The following SLC6A9 variants were observed in gnomAD, a reference collection of about 807,000 sequenced individuals.
SLC6A9 encodes the protein sodium- and chloride-dependent glycine transporter 1.
SLC6A9 carries 31 observed loss-of-function variants against 70.9 expected under a neutral mutation model. The observed-to-expected ratio is 0.44, with a 90% CI of 0.33 to 0.59. The LOEUF (loss-of-function observed/expected upper bound fraction) is 0.59. Among genes scored for constraint, SLC6A9 ranks in the 20% least tolerant of loss-of-function variants. The pLI is 0.04. For missense variants in SLC6A9, 631 were observed against 845.2 expected, an observed-to-expected ratio of 0.75 and a Z score of 3.14; for synonymous variants, 310 against 341.3, an observed-to-expected ratio of 0.91 and a Z score of 1.01.
intron 2 of SLC6A9, chr1:44,011,709 G>A (rs2086577667): frequency 6.2e-7 from 1 of 1,613,860 alleles, no homozygotes. Context: ...TCTCTGAACA[G>A]GGAGAAGCGT....
chr1:44,025,279 G>T (rs1444170378), intron 1 of SLC6A9, among the ~76,000 whole-genome samples: 2 of 116,118 alleles, frequency 1.7e-5, no homozygotes, highest in African/African-American at 6.9e-5. Flanking sequence ...CTTGTGGGAA[G>T]CATGAGTGGC....
chr1:44,019,074 T>G (rs2086832298), intron 2 of SLC6A9, among the ~76,000 whole-genome samples: 1 of 152,242 alleles, frequency 6.6e-6, no homozygotes. Context: ...GGATCTCAGT[T>G]TCTCCATCTC....
chr1:44,001,813 G>A (rs1317832045), intron 8 of SLC6A9, among the ~76,000 whole-genome samples, 186 bp from the exon 9 acceptor site: 7 of 152,064 alleles, frequency 4.6e-5, no homozygotes, highest in African/African-American at 1.7e-4. Context: ...CTGTAGCCTT[G>A]ACCTCTTGGT....
Position 44,002,697 on chromosome 1 carries a change from C to A in SLC6A9, c.724-51G>T. The A allele has an allele frequency of 6.2e-7, 1 of 1,609,200 alleles. No individual in the cohort carries two copies. Among genetic ancestry groups the A allele is most frequent in the Non-Finnish European group, 8.5e-7 (1 of 1,176,200 alleles). Reference sequence around the variant, plus strand: ...CTTCTGGGCTCTCCCCTCCCCTGGGCACCACCACCCTGGCTCCCTAATCAC... The same window carrying A: ...CTTCTGGGCTCTCCCCTCCCCTGGGAACCACCACCCTGGCTCCCTAATCAC... On this transcript the variant is annotated intron_variant, in intron 6 of 13. Transcript: ENST00000372310. The surrounding 1 kb of genome is among the most constrained non-coding windows in gnomAD (Gnocchi z 5.5).
chr1:44,024,119 G>T, intron 2 of SLC6A9, 129 bp downstream of exon 2: 2 of 909,550 alleles, frequency 2.2e-6, no homozygotes, highest in Non-Finnish European at 3.7e-6. Flanking sequence ...TGCCCAGGCC[G>T]GGGTCAGCTG....
In SLC6A9 at chr1:43,997,118, C is replaced by T; in HGVS notation, c.*427G>A. On this transcript the variant is annotated 3_prime_UTR_variant, in exon 14 of 14. Transcript: ENST00000372310. This position sits in a 1 kb window ranked among gnomAD's most constrained non-coding sequence, Gnocchi z 4.4. ...GCAGTCCCCCAGCCCTTCATCCTGC[C>T]CCTAGGGAGGAATAGCCAAATGTGC... is the stretch of plus-strand genomic sequence containing the variant. The T allele has an allele frequency of 4.9e-6, 1 of 204,692 alleles. No individual in the cohort carries two copies. 12.7% of individuals were successfully genotyped at this position (204,692 alleles called of 1,614,324 possible).
chr1:44,012,270 C>T (rs2086597164), intron 2 of SLC6A9, among the ~76,000 whole-genome samples: 1 of 152,244 alleles, frequency 6.6e-6, no homozygotes, highest in Non-Finnish European at 1.5e-5. Context: ...GAATGGCCTC[C>T]CTGGGCCCCA....
intron 2 of SLC6A9, among the ~76,000 whole-genome samples, chr1:44,021,370 A>C (rs2086880718): frequency 6.6e-6 from 1 of 152,146 alleles, no homozygotes; most frequent in Non-Finnish European, 1.5e-5. Context: ...GGCTGGAGTG[A>C]GGGAGGGACA....
In SLC6A9 at chr1:44,003,273, G is replaced by C. The variant is rs1290411774; in HGVS notation, c.591-288C>G. ...GGCTTGGGTGGTCTTCCTAGTTCCTGGGCGAGGAGATCTCCTTGTCCCCAG... is the reference window on the plus strand; with the variant it reads ...GGCTTGGGTGGTCTTCCTAGTTCCTCGGCGAGGAGATCTCCTTGTCCCCAG... On this transcript the variant is annotated intron_variant, in intron 5 of 13. Coordinates refer to ENST00000372310, the MANE Select transcript of SLC6A9 (RefSeq NM_001024845.3). 2.6e-5 allele frequency among the ~76,000 whole-genome samples: 4 copies of C among 152,252 alleles called. No individual in the cohort carries two copies. In the South Asian group the frequency reaches 8.3e-4, roughly 31 times the overall value.
In SLC6A9 at chr1:44,024,695, T is replaced by C. The variant is rs146835217; in HGVS notation, c.-85-333A>G. ...ATGGTCTGTGTGAATGGCTTCAGCCTTTCCCCAGGAGGGGAATCAGCTCAG... is the reference window on the plus strand; with the variant it reads ...ATGGTCTGTGTGAATGGCTTCAGCCCTTCCCCAGGAGGGGAATCAGCTCAG... On this transcript the variant is annotated intron_variant, in intron 1 of 13. Coordinates refer to ENST00000372310, the MANE Select transcript of SLC6A9 (RefSeq NM_001024845.3). Among the ~76,000 whole-genome samples the C allele has an allele frequency of 2.8e-3, 433 of 152,356 alleles. 1 individual carries two copies. The highest frequency in any genetic ancestry group is 0.01 in the African/African-American group (426 of 41,582).
chr1:44,006,164 C>G (rs1341014607), intron 5 of SLC6A9, among the ~76,000 whole-genome samples: 1 of 152,166 alleles, frequency 6.6e-6, no homozygotes, highest in Non-Finnish European at 1.5e-5. Context: ...CACATCATGC[C>G]TCAAATGTAA....
chr1:43,997,854 C>G lies in SLC6A9; in HGVS notation c.1707+1G>C. 1 of 1,606,574 alleles carries G rather than the reference C, an allele frequency of 6.2e-7. No homozygotes were observed. Among genetic ancestry groups the G allele is most frequent in the Non-Finnish European group, 8.5e-7 (1 of 1,175,094 alleles). ...GCTACCCAGCCTGTCCCTGCCCTCA[C>G]CTGGAGGAGGGTGTCCCCGTCTGTG... On this transcript the variant is annotated splice_donor_variant, in intron 13 of 13. Coordinates refer to ENST00000372310, the MANE Select transcript of SLC6A9 (RefSeq NM_001024845.3). LOFTEE classifies it high-confidence loss of function. The surrounding 1 kb of genome is among the most constrained non-coding windows in gnomAD (Gnocchi z 4.4).
intron 2 of SLC6A9, 55 bp downstream of exon 2, chr1:44,024,193 T>C: frequency 6.3e-7 from 1 of 1,579,062 alleles, no homozygotes; most frequent in Non-Finnish European, 8.7e-7. Flanking sequence ...CAGGAGGTCC[T>C]GGGGGCAGGG....
rs2086941170 is a variant in SLC6A9 at position 44,024,252 on chromosome 1, ATC to A, written c.24_25del (p.Met9AlafsTer140). 1 of 1,614,114 alleles carries A rather than the reference ATC, an allele frequency of 6.2e-7. No homozygotes were observed. The highest frequency in any genetic ancestry group is 1.3e-5 in the African/African-American group (1 of 74,948). ...CAGTCTGGCCTCTGTACTCACCAGC[ATC>A]CCTTTGGCACCTTTTCCTACCATGG... On this transcript the variant is annotated frameshift_variant, in exon 2 of 14. Coordinates refer to ENST00000372310, the MANE Select transcript of SLC6A9 (RefSeq NM_001024845.3). LOFTEE classifies it high-confidence loss of function.
chr1:44,007,826 G>A (rs866730638), intron 5 of SLC6A9, among the ~76,000 whole-genome samples: 7 of 151,872 alleles, frequency 4.6e-5, no homozygotes, highest in Middle Eastern at 3.5e-3. Flanking sequence ...GATTTCTGAC[G>A]GCCTTCCTCA....
intron 2 of SLC6A9, among the ~76,000 whole-genome samples, chr1:44,022,467 C>T (rs189284649): frequency 2.6e-5 from 4 of 152,154 alleles, no homozygotes; most frequent in African/African-American, 9.7e-5. Context: ...ATAAGATCTC[C>T]ATCTGGGCCC....
intron 1 of SLC6A9, among the ~76,000 whole-genome samples, chr1:44,025,927 C>A (rs1451609477): frequency 6.6e-6 from 1 of 152,278 alleles, no homozygotes; most frequent in Non-Finnish European, 1.5e-5. Context: ...GGCAACTCTG[C>A]CCCACCCACA....
At chr1:44,005,839 C>G (rs143307635) in intron 5 of SLC6A9, among the ~76,000 whole-genome samples, 337 of 152,378 alleles carry the variant, frequency 2.2e-3, no homozygotes, top group Non-Finnish European at 3.7e-3. Context: ...GAGAGGGCAG[C>G]AGGGAGCCGT....
At chr1:44,017,408 C>G (rs1177203895) in intron 2 of SLC6A9, 62 of 958,276 alleles carry the variant, frequency 6.5e-5, no homozygotes, top group Middle Eastern at 4.0e-4. Flanking sequence ...CACACACACA[C>G]AGACTGGGGC....
Sources: gnomAD v4.1 joint callset for allele counts (sites outside exome capture counted in the v4.1 genomes callset) on GRCh38, gnomAD v4.1.1 for gene constraint, Gnocchi (gnomAD v3.1) non-coding constraint, MANE v1.5 for transcripts, NCBI Gene and HGNC (gene_info 2026-07-23, HGNC 2026-07-21) for gene names.